Variants in LIN52 observed in about 807,000 individuals in gnomAD.
LIN52 encodes the protein protein lin-52 homolog.
A neutral mutation model predicts 18.5 loss-of-function variants in LIN52; 4 were observed. The ratio of observed to expected loss-of-function variants is 0.22; its 90% CI spans 0.11 to 0.49. The LOEUF (loss-of-function observed/expected upper bound fraction) is 0.49. Among genes scored for constraint, LIN52 ranks in the 20% least tolerant of loss-of-function variants. LIN52 has a pLI of 0.97. For synonymous variants in LIN52, 34 were observed against 45.5 expected (o/e 0.75, Z 1.02); for missense variants, 102 against 139.5 (o/e 0.73, Z 1.35).
intron 5 of LIN52, among the ~76,000 whole-genome samples, chr14:74,132,320 G>T (rs1040278899): frequency 6.6e-6 from 1 of 152,100 alleles, no homozygotes; most frequent in Non-Finnish European, 1.5e-5. Flanking sequence ...AATATGATTT[G>T]CTTCTTGGAG....
chr14:74,125,782 A>G (rs1156631592), intron 5 of LIN52, among the ~76,000 whole-genome samples: 1 of 151,492 alleles, frequency 6.6e-6, no homozygotes, highest in Non-Finnish European at 1.5e-5. Context: ...GCAAACTATC[A>G]CAAGGATAAA....
chr14:74,173,264 C>T (rs944785283), intron 5 of LIN52, among the ~76,000 whole-genome samples: 4 of 152,156 alleles, frequency 2.6e-5, no homozygotes, highest in East Asian at 3.9e-4. Flanking sequence ...CTCAGCTCGC[C>T]GCAACCTCTG....
At chr14:74,135,505 T>G (rs2061092269) in intron 5 of LIN52, among the ~76,000 whole-genome samples, 1 of 152,176 alleles carries the variant, frequency 6.6e-6, no homozygotes, top group African/African-American at 2.4e-5. Context: ...CCATAAGTTC[T>G]CGTCTGCTTA....
intron 5 of LIN52, among the ~76,000 whole-genome samples, chr14:74,114,799 T>C (rs2060954275): frequency 6.6e-6 from 1 of 152,180 alleles, no homozygotes. Context: ...CTCAAAGAAA[T>C]CAATATGTGA....
intron 5 of LIN52, among the ~76,000 whole-genome samples, chr14:74,143,278 A>C (rs1169025199): frequency 6.6e-6 from 1 of 152,164 alleles, no homozygotes; most frequent in Non-Finnish European, 1.5e-5. Flanking sequence ...GCCTGGGCAT[A>C]GTGGCTTATG....
At chr14:74,159,168 T>TATTA (rs3043711) in intron 5 of LIN52, among the ~76,000 whole-genome samples, 117,471 of 151,592 alleles carry the variant, frequency 0.77, 45,827 homozygotes, top group Admixed American at 0.81. Flanking sequence ...TTCTTATTTG[T>TATTA]ATTATATTCA....
At chr14:74,125,839 G>C (rs921753106) in intron 5 of LIN52, among the ~76,000 whole-genome samples, 1 of 138,194 alleles carries the variant, frequency 7.2e-6, no homozygotes, top group Non-Finnish European at 1.5e-5. Flanking sequence ...ATTGAACAAT[G>C]AGAACACATG....
chr14:74,096,311 CA>C (rs2060812365), intron 3 of LIN52, among the ~76,000 whole-genome samples: 2 of 152,086 alleles, frequency 1.3e-5, no homozygotes, highest in Non-Finnish European at 2.9e-5. Context: ...CCACCTACCT[CA>C]GCCTCCCAAA....
intron 5 of LIN52, among the ~76,000 whole-genome samples, chr14:74,159,563 G>GT (rs1555383845): frequency 1.3e-4 from 6 of 44,532 alleles, no homozygotes; most frequent in South Asian, 1.2e-3. Context: ...CATATGTGGG[G>GT]TTTGTTTTTT....
intron 5 of LIN52, among the ~76,000 whole-genome samples, chr14:74,160,199 A>G (rs1166505266): frequency 6.6e-6 from 1 of 152,182 alleles, no homozygotes; most frequent in Non-Finnish European, 1.5e-5. Context: ...ACAGACATGC[A>G]TAGAGGGAAG....
chr14:74,140,453 A>G (rs965981825), intron 5 of LIN52, among the ~76,000 whole-genome samples: 2 of 152,264 alleles, frequency 1.3e-5, no homozygotes, highest in African/African-American at 4.8e-5. Context: ...AGAACAAGAT[A>G]AAAATGCCCT....
intron 4 of LIN52, among the ~76,000 whole-genome samples, chr14:74,099,295 TA>T (rs2060837880): frequency 6.6e-6 from 1 of 152,208 alleles, no homozygotes; most frequent in Admixed American, 6.5e-5. Flanking sequence ...AAAACACCTT[TA>T]TTTGATTTTA....
intron 4 of LIN52, among the ~76,000 whole-genome samples, chr14:74,100,464 C>T (rs2060845962): frequency 6.6e-6 from 1 of 152,018 alleles, no homozygotes; most frequent in Admixed American, 6.6e-5. Context: ...CCATACCCAG[C>T]TAATTTTATT....
At chr14:74,176,225 C>A (rs1320502511) in intron 5 of LIN52, among the ~76,000 whole-genome samples, 2 of 152,048 alleles carry the variant, frequency 1.3e-5, no homozygotes, top group African/African-American at 4.8e-5. Context: ...TGCAGTGGCG[C>A]AATCTCGGCT....
rs1299488091 is a variant in LIN52, at chr14:74,199,050, AC to A, written c.*75del. 4.8e-6 allele frequency: 5 copies of A among 1,049,786 alleles called. No homozygotes were observed. Among genetic ancestry groups the A allele is most frequent in the Non-Finnish European group, 7.4e-6 (5 of 673,276 alleles). 65.0% of individuals were successfully genotyped at this position (1,049,786 alleles called of 1,614,324 possible). On this transcript the variant is annotated 3_prime_UTR_variant, in exon 6 of 6. Coordinates refer to ENST00000555028, the MANE Select transcript of LIN52 (RefSeq NM_001024674.3). The stretch of plus-strand genomic sequence containing the variant: ...TCCCGGTGCACCTCTAACAATGCAC[AC>A]CTCACTGCTTGCTTGGGAGAGGCCA...
chr14:74,118,822 C>G (rs1337866624), intron 5 of LIN52, among the ~76,000 whole-genome samples: 1 of 152,118 alleles, frequency 6.6e-6, no homozygotes, highest in Non-Finnish European at 1.5e-5. Context: ...TCCTTTGTGC[C>G]CCTTCTAGTC....
At chr14:74,104,592 T>C (rs2060885269) in intron 5 of LIN52, among the ~76,000 whole-genome samples, 1 of 88,478 alleles carries the variant, frequency 1.1e-5, no homozygotes, top group Non-Finnish European at 2.3e-5. Context: ...ACAGGCTTGA[T>C]TTTTTTTTTT....
chr14:74,118,631 G>A (rs1038959586), intron 5 of LIN52, among the ~76,000 whole-genome samples: 4 of 151,490 alleles, frequency 2.6e-5, no homozygotes, highest in African/African-American at 7.3e-5. Flanking sequence ...AAAATTAGCC[G>A]GGCCTGCTGG....
At chr14:74,100,266 A>G (rs1440177895) in intron 4 of LIN52, among the ~76,000 whole-genome samples, 1 of 152,148 alleles carries the variant, frequency 6.6e-6, no homozygotes, top group Admixed American at 6.5e-5. Flanking sequence ...GTTATAAATA[A>G]TGTTTCCTGA....
Sources: gnomAD v4.1 joint callset for allele counts (sites outside exome capture counted in the v4.1 genomes callset) on GRCh38, gnomAD v4.1.1 for gene constraint, MANE v1.5 for transcripts, NCBI Gene and HGNC (gene_info 2026-07-23, HGNC 2026-07-21) for gene names.